The following ROBO2 variants were observed in gnomAD, a reference collection of about 807,000 sequenced individuals.
ROBO2 encodes roundabout homolog 2.
A neutral mutation model predicts 160.8 loss-of-function variants in ROBO2; 53 were observed. That is an observed-to-expected ratio of 0.33 (90% CI 0.26 to 0.41). ROBO2 has a LOEUF of 0.41. Among genes scored for constraint, ROBO2 ranks in the 10% least tolerant of loss-of-function variants. The probability of loss-of-function intolerance (pLI) is 1.00; values close to 1 mark genes in which losing one functional copy is unlikely to be tolerated. For missense variants in ROBO2, 1,577 were observed against 1,722.4 expected, an observed-to-expected ratio of 0.92 and a Z score of 1.49; for synonymous variants, 664 against 611.7, an observed-to-expected ratio of 1.09 and a Z score of -1.26.
chr3:76,909,863 A>G (rs532151766), intron 2 of ROBO2, among the ~76,000 whole-genome samples: 8 of 152,348 alleles, frequency 5.3e-5, no homozygotes, highest in African/African-American at 9.6e-5. Context: ...TTGTCATAAA[A>G]TATGCTTGGG....
chr3:76,030,196 C>T (rs1387836543), intron 2 of ROBO2, among the ~76,000 whole-genome samples: 1 of 152,118 alleles, frequency 6.6e-6, no homozygotes, highest in Non-Finnish European at 1.5e-5. Flanking sequence ...ATCCTTTGCC[C>T]ACTTTTTGAT....
At chr3:76,881,587 T>C (rs977968504) in intron 2 of ROBO2, among the ~76,000 whole-genome samples, 14 of 152,232 alleles carry the variant, frequency 9.2e-5, no homozygotes, top group Admixed American at 6.5e-5. Flanking sequence ...CATAAGGACA[T>C]ATATCTGCTG....
chr3:76,211,990 T>C (rs997904239), intron 2 of ROBO2, among the ~76,000 whole-genome samples: 11 of 152,006 alleles, frequency 7.2e-5, no homozygotes, highest in African/African-American at 2.7e-4. Flanking sequence ...CTGATAGATT[T>C]ATGATGAATT....
chr3:76,005,294 A>G (rs762105194), intron 2 of ROBO2, among the ~76,000 whole-genome samples: 15 of 152,234 alleles, frequency 9.9e-5, no homozygotes, highest in Admixed American at 5.2e-4. Context: ...CCCTCTGAGC[A>G]AGGACATGAA....
At chr3:77,487,462 T>G (rs2153595591) in intron 4 of ROBO2, among the ~76,000 whole-genome samples, 1 of 152,300 alleles carries the variant, frequency 6.6e-6, no homozygotes, top group Admixed American at 6.5e-5. Flanking sequence ...TAGGATGAAT[T>G]TTCTCAGGCA....
intron 2 of ROBO2, among the ~76,000 whole-genome samples, chr3:76,053,487 T>C (rs2067724262): frequency 6.6e-6 from 1 of 152,060 alleles, no homozygotes; most frequent in African/African-American, 2.4e-5. Context: ...GTTACAACTG[T>C]GGTGAGAATA....
At chr3:77,510,869 G>C (rs2089305984) in intron 5 of ROBO2, among the ~76,000 whole-genome samples, 1 of 151,822 alleles carries the variant, frequency 6.6e-6, no homozygotes, top group African/African-American at 2.4e-5. Context: ...TTGGAGGCGT[G>C]GTCTTCATTT....
intron 2 of ROBO2, among the ~76,000 whole-genome samples, chr3:76,326,783 C>A (rs1455052582): frequency 1.9e-5 from 2 of 107,032 alleles, no homozygotes; most frequent in Non-Finnish European, 3.6e-5. Context: ...CCCCACCCCA[C>A]AGCAGTCCCC....
At chr3:77,434,560 A>G (rs12488599) in intron 2 of ROBO2, among the ~76,000 whole-genome samples, 30,615 of 152,040 alleles carry the variant, frequency 0.2, 3,902 homozygotes, top group Middle Eastern at 0.28. Flanking sequence ...TATTGTTGTC[A>G]CCATTTATGA....
chr3:76,014,640 A>G (rs2066350304), intron 2 of ROBO2, among the ~76,000 whole-genome samples: 1 of 152,066 alleles, frequency 6.6e-6, no homozygotes, highest in African/African-American at 2.4e-5. Context: ...TATAAAGGCT[A>G]TTGGCGACTG....
chr3:77,455,953 T>C (rs1439221313), intron 2 of ROBO2, among the ~76,000 whole-genome samples: 1 of 152,150 alleles, frequency 6.6e-6, no homozygotes, highest in Non-Finnish European at 1.5e-5. Flanking sequence ...GCAAAGTAAA[T>C]GCAAATGTTT....
chr3:75,906,823 GGGGAGCAGC>G (rs1007621589), exon 1 of ROBO2: 6 of 152,434 alleles, frequency 3.9e-5, no homozygotes, highest in Admixed American at 6.5e-5. Flanking sequence ...GGGAGAAACC[GGGGAGCAGC>G]GGGAGCAGCA....
At chr3:75,965,087 T>C (rs1949055360) in intron 2 of ROBO2, 1 of 151,748 alleles carries the variant, frequency 6.6e-6, no homozygotes, top group African/African-American at 2.4e-5. Flanking sequence ...TTATTTTTCA[T>C]CTACACTTAC....
At chr3:76,746,809 C>T (rs1438515605) in intron 2 of ROBO2, among the ~76,000 whole-genome samples, 3 of 152,134 alleles carry the variant, frequency 2.0e-5, no homozygotes, top group African/African-American at 7.2e-5. Flanking sequence ...GCTCCCACCA[C>T]TCCATCCTCT....
intron 2 of ROBO2, among the ~76,000 whole-genome samples, chr3:76,779,175 T>C (rs2062468990): frequency 6.6e-6 from 1 of 151,006 alleles, no homozygotes; most frequent in Non-Finnish European, 1.5e-5. Flanking sequence ...CTTTAAAAAA[T>C]ATTGAAGTAA....
chr3:76,671,634 T>G (rs2092265489), intron 2 of ROBO2, among the ~76,000 whole-genome samples: 1 of 152,122 alleles, frequency 6.6e-6, no homozygotes, highest in Non-Finnish European at 1.5e-5. Context: ...GAGAGGAGAT[T>G]CTAAAGTAAT....
intron 20 of ROBO2, among the ~76,000 whole-genome samples, chr3:77,605,277 A>C (rs1365486037): frequency 6.6e-6 from 1 of 151,926 alleles, no homozygotes; most frequent in Non-Finnish European, 1.5e-5. Flanking sequence ...AAAAGATAAT[A>C]TAAGAAATTC....
intron 6 of ROBO2, among the ~76,000 whole-genome samples, chr3:77,539,083 A>G (rs2092330151): frequency 6.6e-6 from 1 of 151,898 alleles, no homozygotes; most frequent in Admixed American, 6.6e-5. Context: ...ACGCCCAGCT[A>G]ATTTGTTTTG....
intron 2 of ROBO2, among the ~76,000 whole-genome samples, chr3:76,778,272 C>G (rs1448742580): frequency 6.6e-6 from 1 of 151,068 alleles, no homozygotes; most frequent in African/African-American, 2.4e-5. Flanking sequence ...CTGAGTACTC[C>G]CTATTCTTCC....
Sources: gnomAD v4.1 joint callset for allele counts (sites outside exome capture counted in the v4.1 genomes callset) on GRCh38, gnomAD v4.1.1 for gene constraint, MANE v1.5 for transcripts, NCBI Gene and HGNC (gene_info 2026-07-23, HGNC 2026-07-21) for gene names.